The following LZTFL1 variants were observed in gnomAD, a reference collection of about 807,000 sequenced individuals.
LZTFL1 encodes the protein leucine zipper transcription factor like 1, also known as leucine zipper transcription factor-like protein 1.
In LZTFL1, 25 loss-of-function variants were observed where a neutral mutation model predicts 45.9. That is an observed-to-expected ratio of 0.54 (90% CI 0.40 to 0.76). LZTFL1 has a LOEUF of 0.76. LZTFL1 is among the 30% of genes least tolerant of loss of function. The pLI is 0.00. For synonymous variants in LZTFL1, 93 were observed against 117.4 expected (o/e 0.79, Z 1.35); for missense variants, 277 against 331.1 (o/e 0.84, Z 1.27).
chr3:45,877,230 C>CCCT (rs1701762265), intron 2 of LZTFL1, among the ~76,000 whole-genome samples: 1 of 150,516 alleles, frequency 6.6e-6, no homozygotes, highest in African/African-American at 2.5e-5. Context: ...TCACAAGCAT[C>CCCT]TCTTTTTTTT....
chr3:45,871,791 A>G (rs1316668169), intron 2 of LZTFL1, among the ~76,000 whole-genome samples: 1 of 152,218 alleles, frequency 6.6e-6, no homozygotes, highest in Non-Finnish European at 1.5e-5. Flanking sequence ...CAGTTCTACC[A>G]GGCGCTTTAT....
Position 45,897,575 on chromosome 3 carries a change from C to T in LZTFL1, c.-215+15545G>A, listed in dbSNP as rs529102182. On this transcript the variant is annotated intron_variant, in intron 2 of 4. Transcript: ENST00000472635. ...TGCTCCTGCAGTCTCCTCCAGGCCC[C>T]GCTCCAGATCACCTTCCCTCGCTGG... 2.3e-5 allele frequency: 35 copies of T among 1,535,638 alleles called. No individual in the cohort carries two copies. In the Middle Eastern group the frequency reaches 6.7e-4, roughly 29 times the overall value.
At chr3:45,885,448 A>G (rs1481471461) in intron 2 of LZTFL1, among the ~76,000 whole-genome samples, 1 of 152,210 alleles carries the variant, frequency 6.6e-6, no homozygotes, top group Non-Finnish European at 1.5e-5. Context: ...CCTGTAATTA[A>G]TACAATTTAT....
At chr3:45,845,701 A>G (rs967662945), upstream of LZTFL1, among the ~76,000 whole-genome samples, 3 of 152,164 alleles carry the variant, frequency 2.0e-5, no homozygotes, top group African/African-American at 7.2e-5. Context: ...GTTTCCATGG[A>G]CTTCTGGCAA....
intron 2 of LZTFL1, among the ~76,000 whole-genome samples, chr3:45,891,841 C>A (rs1254639598): frequency 6.6e-6 from 1 of 152,010 alleles, no homozygotes; most frequent in Non-Finnish European, 1.5e-5. Flanking sequence ...TGCAGAAAGT[C>A]CTTCATTTTG....
Position 45,824,857 on chromosome 3 carries a change from T to G in LZTFL1, c.*1457A>C. ...AAAAGCTCCAAAAGGGCACAGAAAC[T>G]GGTAAGTGACCTAAATATGGAGAGA... On this transcript the variant is annotated 3_prime_UTR_variant, in exon 10 of 10. Coordinates refer to ENST00000296135, the MANE Select transcript of LZTFL1 (RefSeq NM_020347.4). 1 of 398,438 alleles carries G rather than the reference T, an allele frequency of 2.5e-6. No individual in the cohort carries two copies. The highest frequency in any genetic ancestry group is 2.1e-5 in the African/African-American group (1 of 48,750). 24.7% of individuals were successfully genotyped at this position (398,438 alleles called of 1,614,324 possible). A position where few individuals can be genotyped will look rare whatever the true frequency, so the allele number is the denominator to read the frequency against.
Position 45,824,523 on chromosome 3 carries a change from A to C in LZTFL1, c.*1791T>G, listed in dbSNP as rs72876520. ...TTTAAGGTTTTAGAAATATTTTTGAATTTATTATTAAACAATAGGAACGTA... is the reference window on the plus strand; with the variant it reads ...TTTAAGGTTTTAGAAATATTTTTGACTTTATTATTAAACAATAGGAACGTA... On this transcript the variant is annotated 3_prime_UTR_variant, in exon 10 of 10. Transcript: ENST00000296135. The C allele has an allele frequency of 9.3e-3, 2,555 of 273,416 alleles. 66 individuals are homozygous for C. The highest frequency in any genetic ancestry group is 0.051 in the African/African-American group (2,349 of 46,028). The allele number at this position is 273,416 out of a possible 1,614,324, so 16.9% of individuals were successfully genotyped here.
intron 2 of LZTFL1, among the ~76,000 whole-genome samples, chr3:45,868,190 T>TAA (rs112356074): frequency 0.55 from 79,980 of 146,682 alleles, 22,348 homozygotes; most frequent in East Asian, 0.69. Context: ...TATATATATA[T>TAA]AAATTTTTAA....
In LZTFL1 at chr3:45,841,979, G is replaced by A. The variant is rs747919925; in HGVS notation, c.3+10C>T. The A allele has an allele frequency of 1.9e-6, 3 of 1,611,420 alleles. No individual in the cohort carries two copies. The highest frequency in any genetic ancestry group is 2.7e-5 in the African/African-American group (2 of 74,900). ...GTGCGCGGTGCGGCGCCTGAGGGTC[G>A]GTTACTCACCATGGCGGCAGGCAGC... On this transcript the variant is annotated intron_variant, in intron 1 of 9. Coordinates refer to ENST00000296135, the MANE Select transcript of LZTFL1 (RefSeq NM_020347.4).
chr3:45,846,254 G>A (rs1436679012), upstream of LZTFL1, among the ~76,000 whole-genome samples: 1 of 152,140 alleles, frequency 6.6e-6, no homozygotes, highest in Non-Finnish European at 1.5e-5. Flanking sequence ...ACTTTTAGGA[G>A]TTTTTGAGAA....
In LZTFL1 at chr3:45,826,011, C is replaced by T. The variant is rs1279096166; in HGVS notation, c.*303G>A. The T allele has an allele frequency of 1.2e-5, 4 of 326,276 alleles. No homozygotes were observed. The highest frequency in any genetic ancestry group is 2.2e-5 in the Non-Finnish European group (4 of 180,564). 20.2% of individuals were successfully genotyped at this position (326,276 alleles called of 1,614,324 possible). A position where few individuals can be genotyped will look rare whatever the true frequency, so the allele number is the denominator to read the frequency against. On this transcript the variant is annotated 3_prime_UTR_variant, in exon 10 of 10. Transcript: ENST00000296135. Reference sequence around the variant, plus strand: ...AAAATACAGACTCTTTATACTAATGCAGAAGGATAAGCCTCTTCTTCCCAC... The same window carrying T: ...AAAATACAGACTCTTTATACTAATGTAGAAGGATAAGCCTCTTCTTCCCAC...
intron 2 of LZTFL1, among the ~76,000 whole-genome samples, chr3:45,866,230 G>T (rs1335613628): frequency 2.6e-5 from 4 of 152,170 alleles, no homozygotes; most frequent in Non-Finnish European, 5.9e-5. Context: ...GATTGATCCG[G>T]TGTGTACTAC....
chr3:45,867,795 G>A (rs140227473), intron 2 of LZTFL1, among the ~76,000 whole-genome samples: 3,686 of 152,160 alleles, frequency 0.024, 163 homozygotes, highest in African/African-American at 0.082. Context: ...AGTGAGCTGT[G>A]ATCGCACCAC....
At chr3:45,851,673 T>C (rs1475331538) in intron 4 of LZTFL1, among the ~76,000 whole-genome samples, 1 of 152,078 alleles carries the variant, frequency 6.6e-6, no homozygotes, top group Non-Finnish European at 1.5e-5. Flanking sequence ...TTTAATATAC[T>C]GATGGATTCC....
intron 3 of LZTFL1, 200 bp downstream of exon 3, chr3:45,835,390 G>A (rs1700939191): frequency 1.8e-6 from 1 of 551,492 alleles, no homozygotes; most frequent in Non-Finnish European, 3.2e-6. Flanking sequence ...TAATACCTAG[G>A]AACAGTAGAA....
In LZTFL1 at chr3:45,901,593, C is replaced by T; in HGVS notation, c.-215+11527G>A. The T allele has an allele frequency of 6.2e-7, 1 of 1,614,222 alleles. No homozygotes were observed. Reference sequence around the variant, plus strand: ...GACCGTCTTTGTCTTGTCTCAGTTTCCCTACAACTGCATTTTGTTGGTGCA... The same window carrying T: ...GACCGTCTTTGTCTTGTCTCAGTTTTCCTACAACTGCATTTTGTTGGTGCA... On this transcript the variant is annotated intron_variant, in intron 2 of 4. Coordinates refer to the LZTFL1 transcript ENST00000472635. The surrounding 1 kb of genome is among the most constrained non-coding windows in gnomAD (Gnocchi z 4.3).
At chr3:45,887,315 C>T (rs1338812102) in intron 2 of LZTFL1, among the ~76,000 whole-genome samples, 30 of 151,906 alleles carry the variant, frequency 2.0e-4, no homozygotes, top group Non-Finnish European at 2.8e-4. Context: ...GGAAGTATCT[C>T]AGAAACTTAA....
At chr3:45,879,442 A>G (rs1421907490) in intron 2 of LZTFL1, among the ~76,000 whole-genome samples, 1 of 152,202 alleles carries the variant, frequency 6.6e-6, no homozygotes, top group Non-Finnish European at 1.5e-5. Flanking sequence ...TCCAACAAAT[A>G]CGGCATTCCG....
Position 45,892,201 on chromosome 3 carries a change from T to G in LZTFL1, c.-215+20919A>C, listed in dbSNP as rs72884922. Among the ~76,000 whole-genome samples, 1,156 of 152,300 alleles carry G rather than the reference T, an allele frequency of 7.6e-3. 15 individuals are homozygous for G. Among genetic ancestry groups the G allele is most frequent in the African/African-American group, 0.026 (1,086 of 41,560 alleles). On this transcript the variant is annotated intron_variant, in intron 2 of 4. Transcript: ENST00000472635. The stretch of plus-strand genomic sequence containing the variant: ...CACACATACATATACATATACAAAT[T>G]GTCTATCTATCTATCTAATTTAATC...
Sources: gnomAD v4.1 joint callset for allele counts (sites outside exome capture counted in the v4.1 genomes callset) on GRCh38, gnomAD v4.1.1 for gene constraint, Gnocchi (gnomAD v3.1) non-coding constraint, MANE v1.5 for transcripts, NCBI Gene and HGNC (gene_info 2026-07-23, HGNC 2026-07-21) for gene names.